The following SYNE1 variants were observed in gnomAD, a reference collection of about 807,000 sequenced individuals.
SYNE1 encodes nesprin-1.
A neutral mutation model predicts 1,111.0 loss-of-function variants in SYNE1; 616 were observed. The ratio of observed to expected loss-of-function variants is 0.55; its 90% CI spans 0.52 to 0.59. The LOEUF (loss-of-function observed/expected upper bound fraction) is 0.59, where lower values mean the gene tolerates loss of function less well. Ranked by LOEUF, SYNE1 falls within the 20% of genes least tolerant of loss-of-function variation. SYNE1 has a pLI of 0.00. For synonymous variants in SYNE1, 3,855 were observed against 3,825.8 expected (o/e 1.01, Z -0.28); for missense variants, 10,006 against 10,417.0 (o/e 0.96, Z 1.72).
In SYNE1 at chr6:152,359,282, T is replaced by C. The variant is rs1048096278; in HGVS notation, c.10443+33A>G. 30 of 1,612,680 alleles carry C rather than the reference T, an allele frequency of 1.9e-5. No individual in the cohort carries two copies. In the Admixed American group the frequency reaches 2.5e-4, roughly 13 times the overall value. On this transcript the variant is annotated intron_variant, in intron 65 of 145. Transcript: ENST00000367255. The stretch of plus-strand genomic sequence containing the variant: ...AGCACAGCTCCAAACACTCCCCTTT[T>C]GGTGAGTCTACAAGGAAAGTGCTTT...
At chr6:152,162,507 C>T (rs954255668) in intron 131 of SYNE1, among the ~76,000 whole-genome samples, 18 of 152,114 alleles carry the variant, frequency 1.2e-4, no homozygotes, top group African/African-American at 3.9e-4. Flanking sequence ...TTACGATACC[C>T]GCCATTTGCA....
rs548995867 is a variant in SYNE1 at position 152,324,717 on chromosome 6, C to G, written c.15657+367G>C. Among the ~76,000 whole-genome samples the G allele has an allele frequency of 3.9e-5, 6 of 152,210 alleles. No individual in the cohort carries two copies. In the South Asian group the frequency reaches 1.2e-3, roughly 32 times the overall value. ...TCGGGAGGCTGAGGCAGGAGAATGGCGTGAACCCGGGAGGCGGAGCTTGCA... is the reference window on the plus strand; with the variant it reads ...TCGGGAGGCTGAGGCAGGAGAATGGGGTGAACCCGGGAGGCGGAGCTTGCA... On this transcript the variant is annotated intron_variant, in intron 81 of 145. Transcript: ENST00000367255.
chr6:152,536,387 T>C (rs1442049264), intron 4 of SYNE1, among the ~76,000 whole-genome samples: 1 of 120,122 alleles, frequency 8.3e-6, no homozygotes, highest in East Asian at 2.7e-4. Flanking sequence ...AATATATATA[T>C]ATTTATATAT....
At chr6:152,405,663 A>G (rs946402089) in intron 45 of SYNE1, among the ~76,000 whole-genome samples, 1 of 152,176 alleles carries the variant, frequency 6.6e-6, no homozygotes, top group African/African-American at 2.4e-5. Flanking sequence ...GACTTTTGCA[A>G]GCTGGTATAA....
At chr6:152,582,494 CAT>C (rs1358140241) in intron 3 of SYNE1, among the ~76,000 whole-genome samples, 4 of 151,860 alleles carry the variant, frequency 2.6e-5, no homozygotes, top group African/African-American at 9.7e-5. Flanking sequence ...TACACACACA[CAT>C]ATATTACATA....
At chr6:152,591,485 C>T (rs1039564448) in intron 3 of SYNE1, among the ~76,000 whole-genome samples, 12 of 152,160 alleles carry the variant, frequency 7.9e-5, no homozygotes. Flanking sequence ...GGACCCCTAC[C>T]TTTCACCATA....
chr6:152,255,044 T>A lies in SYNE1; in HGVS notation c.19306A>T (p.Asn6436Tyr), dbSNP rs996252466. 6.2e-7 allele frequency: 1 copy of A among 1,610,748 alleles called. No individual in the cohort carries two copies. Among genetic ancestry groups the A allele is most frequent in the Admixed American group, 1.7e-5 (1 of 59,744 alleles). The part of the protein sequence containing the change: ...IKEMSEEMDK[N>Y]KNLFSQAFPE... ...AAAGCTTGGGAAAACAAGTTTTTGTTCTTATCCATTTCTTCAGACATTTCC... is the reference window on the plus strand; with the variant it reads ...AAAGCTTGGGAAAACAAGTTTTTGTACTTATCCATTTCTTCAGACATTTCC... The change falls in exon 104 of 146, where the codon AAC (asparagine) becomes TAC (tyrosine). Residue 6436 changes from asparagine to tyrosine, a missense_variant. Transcript: ENST00000367255.
At position 152,220,964 on chromosome 6, in the gene SYNE1, A is replaced by C. The variant is rs952967252; in HGVS notation, c.21739T>G (p.Tyr7247Asp). The change falls in exon 119 of 146, where the codon TAC becomes GAC. Residue 7247 changes from tyrosine (Y) to aspartate (D), a missense_variant. Coordinates refer to ENST00000367255, the MANE Select transcript of SYNE1 (RefSeq NM_182961.4). ...ACTGTCGAAGCACACTGTTTGGAGT[A>C]GTCCTTGTATCTTTGCCAAAGCTGA... ...LLQLWQRYKDYSKQCASTVQQ... is the reference protein window; with the variant it reads ...LLQLWQRYKDDSKQCASTVQQ... 6.2e-7 allele frequency: 1 copy of C among 1,614,060 alleles called. No individual in the cohort carries two copies. Among genetic ancestry groups the C allele is most frequent in the Non-Finnish European group, 8.5e-7 (1 of 1,180,014 alleles).
intron 3 of SYNE1, among the ~76,000 whole-genome samples, chr6:152,609,822 C>T (rs2099626260): frequency 6.6e-6 from 1 of 152,160 alleles, no homozygotes; most frequent in Non-Finnish European, 1.5e-5. Flanking sequence ...TTGCTGTTCT[C>T]CAGCCTCTGC....
rs181639312 is a variant in SYNE1, at chr6:152,223,566, C to T, written c.21522+928G>A. Among the ~76,000 whole-genome samples, 554 of 151,486 alleles carry T rather than the reference C, an allele frequency of 3.7e-3. 4 individuals carry two copies. The highest frequency in any genetic ancestry group is 0.013 in the African/African-American group (530 of 41,234). ...CCGGGAGGCGGAGGTTGCAGTGAGC[C>T]GAGATAGCACCACTGCACTCCAGTC... is the stretch of plus-strand genomic sequence containing the variant. On this transcript the variant is annotated intron_variant, in intron 117 of 145. Transcript: ENST00000367255.
intron 38 of SYNE1, among the ~76,000 whole-genome samples, chr6:152,426,051 TC>T (rs2098347977): frequency 6.6e-6 from 1 of 152,204 alleles, no homozygotes; most frequent in South Asian, 2.1e-4. Flanking sequence ...ACTTAAGGGC[TC>T]TTCATTTTAC....
intron 100 of SYNE1, among the ~76,000 whole-genome samples, 186 bp downstream of exon 100, chr6:152,267,870 A>T (rs919223619): frequency 6.6e-6 from 1 of 152,230 alleles, no homozygotes; most frequent in Non-Finnish European, 1.5e-5. Flanking sequence ...AGCTTACTAC[A>T]GGCGCTATGC....
chr6:152,174,825 A>G, intron 130 of SYNE1, among the ~76,000 whole-genome samples: 1 of 152,250 alleles, frequency 6.6e-6, no homozygotes, highest in East Asian at 1.9e-4. Flanking sequence ...GATGCCTATG[A>G]AACCCGTAGC....
At chr6:152,532,416 T>C (rs561011498) in intron 4 of SYNE1, among the ~76,000 whole-genome samples, 1 of 152,320 alleles carries the variant, frequency 6.6e-6, no homozygotes, top group South Asian at 2.1e-4. Flanking sequence ...AATATTTTAC[T>C]TTAAACTACT....
chr6:152,302,400 T>G (rs1180988158), intron 91 of SYNE1: 10 of 402,106 alleles, frequency 2.5e-5, no homozygotes, highest in Non-Finnish European at 4.7e-5. Flanking sequence ...GACAACTCTC[T>G]TTAAAAGCAG....
rs1591735493 is a variant in SYNE1 at position 152,391,161 on chromosome 6, C to T, written c.8004+116G>A. 4 of 1,500,438 alleles carry T rather than the reference C, an allele frequency of 2.7e-6. No homozygotes were observed. In the East Asian group the frequency reaches 6.8e-5, roughly 26 times the overall value. 92.9% of individuals were successfully genotyped at this position (1,500,438 alleles called of 1,614,324 possible). On this transcript the variant is annotated intron_variant, in intron 52 of 145. Transcript: ENST00000367255. ...TTTTTTGCCCAATTTCTCCATTTTG[C>T]CCACACAATCCTCATTTAGAGGCTT...
At chr6:152,472,691 C>T in intron 14 of SYNE1, 1 of 695,658 alleles carries the variant, frequency 1.4e-6, no homozygotes, top group Middle Eastern at 3.1e-4. Flanking sequence ...TTTAAAGGCA[C>T]ATGATCCAAA....
At position 152,218,162 on chromosome 6, in the gene SYNE1, A is replaced by G; in HGVS notation, c.22191+95T>C. The G allele has an allele frequency of 2.1e-6, 3 of 1,458,112 alleles. No individual in the cohort carries two copies. In the South Asian group the frequency reaches 3.4e-5, roughly 17 times the overall value. The allele number at this position is 1,458,112 out of a possible 1,614,324, so 90.3% of individuals were successfully genotyped here. On this transcript the variant is annotated intron_variant, in intron 121 of 145. Transcript: ENST00000367255. ...AGCCGAGATCACACCACGGCACTCC[A>G]GCTTGGGCGACAGAGTGAGACTCCA...
chr6:152,525,784 G>A (rs998784685), intron 5 of SYNE1, among the ~76,000 whole-genome samples: 22 of 152,138 alleles, frequency 1.4e-4, no homozygotes, highest in South Asian at 4.1e-4. Flanking sequence ...CTTGTATACC[G>A]TATAGATACA....
Sources: gnomAD v4.1 joint callset for allele counts (sites outside exome capture counted in the v4.1 genomes callset) on GRCh38, gnomAD v4.1.1 for gene constraint, MANE v1.5 for transcripts, NCBI Gene and HGNC (gene_info 2026-07-23, HGNC 2026-07-21) for gene names.